ZDHHC16: variants seen among roughly 807,000 people sequenced by gnomAD.
The protein encoded by ZDHHC16 is zDHHC palmitoyltransferase 16, also known as palmitoyltransferase ZDHHC16.
A neutral mutation model predicts 54.4 loss-of-function variants in ZDHHC16; 33 were observed. The observed-to-expected ratio is 0.61, with a 90% confidence interval of 0.46 to 0.81. ZDHHC16 has a LOEUF of 0.81. Ranked by LOEUF, ZDHHC16 falls within the 30% of genes least tolerant of loss-of-function variation. ZDHHC16 has a pLI of 0.00. For synonymous variants in ZDHHC16, 185 were observed against 182.1 expected, an observed-to-expected ratio of 1.02 and a Z score of -0.13; for missense variants, 420 against 485.9, an observed-to-expected ratio of 0.86 and a Z score of 1.28.
At chr10:97,456,084 A>G in intron 11 of ZDHHC16, 40 bp downstream of exon 11, 1 of 1,601,512 alleles carries the variant, frequency 6.2e-7, no homozygotes, top group South Asian at 1.1e-5. Context: ...CCAACAGAAC[A>G]CTGTGATGAG....
Position 97,456,811 on chromosome 10 carries a change from C to T in ZDHHC16, c.1054C>T (p.His352Tyr). The change falls in exon 12 of 12, where the codon CAC (histidine) becomes TAC (tyrosine). Residue 352 changes from histidine to tyrosine, a missense_variant. Physicochemically the swap from His to Tyr is moderately conservative, Grantham distance 83. Transcript: ENST00000393760. Reference protein sequence around the residue: ...WLTRVLLPSSHLPHGNGMSWE... With the variant: ...WLTRVLLPSSYLPHGNGMSWE... ...TACTCGGGTGCTCTTACCTTCTAGT[C>T]ACTTGCCCCATGGGAATGGAATGAG... 1 of 1,613,794 alleles carries T rather than the reference C, an allele frequency of 6.2e-7. No individual in the cohort carries two copies. The highest frequency in any genetic ancestry group is 1.1e-5 in the South Asian group (1 of 90,984).
rs1308142329 is a variant in ZDHHC16, at chr10:97,451,909, G to C, written c.234G>C (p.Trp78Cys). 1.4e-5 allele frequency: 23 copies of C among 1,610,840 alleles called. No homozygotes were observed. Among genetic ancestry groups the C allele is most frequent in the Non-Finnish European group, 1.9e-5 (22 of 1,178,074 alleles). ...GGCTGGTAGACAACGTGATCCGCTGGTTTGGAGTGGTGAGTGATGTCCAGG... is the reference window on the plus strand; with the variant it reads ...GGCTGGTAGACAACGTGATCCGCTGCTTTGGAGTGGTGAGTGATGTCCAGG... ...VYWLVDNVIR[W>C]FGVVFVVLVI... The change falls in exon 3 of 12, where the codon TGG (tryptophan) becomes TGC (cysteine). Residue 78 changes from tryptophan to cysteine, a missense_variant. Coordinates refer to ENST00000393760, the MANE Select transcript of ZDHHC16 (RefSeq NM_198046.3).
intron 8 of ZDHHC16, 103 bp downstream of exon 8, chr10:97,453,949 G>C: frequency 6.7e-7 from 1 of 1,492,718 alleles, no homozygotes; most frequent in Non-Finnish European, 9.3e-7. Context: ...AGAGGCTGCC[G>C]AGAGGCCACT....
chr10:97,455,972 A>C lies in ZDHHC16; in HGVS notation c.949-2A>C, dbSNP rs1424906150. On this transcript the variant is annotated splice_acceptor_variant, in intron 10 of 11. Coordinates refer to ENST00000393760, the MANE Select transcript of ZDHHC16 (RefSeq NM_198046.3). LOFTEE classifies it high-confidence loss of function. ...AAAGAAACATGTTTTTCTTGGCTCC[A>C]GGTATTTAGGAATCCTTACAACTAC... 2 of 1,613,946 alleles carry C rather than the reference A, an allele frequency of 1.2e-6. No homozygotes were observed. The highest frequency in any genetic ancestry group is 1.7e-6 in the Non-Finnish European group (2 of 1,179,934).
At chr10:97,446,796 C>T (rs1195193491) in intron 1 of ZDHHC16, among the ~76,000 whole-genome samples, 3 of 152,222 alleles carry the variant, frequency 2.0e-5, no homozygotes, top group Non-Finnish European at 4.4e-5. Flanking sequence ...CTGTTCACTG[C>T]AACCTCCGCC....
chr10:97,454,622 G>A, intron 8 of ZDHHC16, 92 bp from the exon 9 acceptor site: 1 of 1,197,208 alleles, frequency 8.4e-7, no homozygotes, highest in Non-Finnish European at 1.2e-6. Context: ...TTCTCTGCCT[G>A]GATTTGGATC....
chr10:97,455,670 C>T lies in ZDHHC16; in HGVS notation c.835C>T (p.Leu279Phe). ...CCCCTCTTTTCTTAGTTCTGTGGCACTTGCCCTGGGTGCCCTAACTGTATG... is the reference window on the plus strand; with the variant it reads ...CCCCTCTTTTCTTAGTTCTGTGGCATTTGCCCTGGGTGCCCTAACTGTATG... ...YLWFLCSSVA[L>F]ALGALTVWHA... The change falls in exon 10 of 12, where the codon CTT (leucine) becomes TTT (phenylalanine). Residue 279 changes from leucine (L) to phenylalanine (F), a missense_variant. Leu to Phe is a conservative substitution (Grantham distance 22). Coordinates refer to ENST00000393760, the MANE Select transcript of ZDHHC16 (RefSeq NM_198046.3). The T allele has an allele frequency of 1.9e-6, 3 of 1,614,242 alleles. No homozygotes were observed. Among genetic ancestry groups the T allele is most frequent in the Non-Finnish European group, 2.5e-6 (3 of 1,180,048 alleles).
chr10:97,456,506 T>G (rs1218434953), intron 11 of ZDHHC16: 1 of 329,268 alleles, frequency 3.0e-6, no homozygotes, highest in Admixed American at 4.5e-5. Flanking sequence ...CAGACGTGCC[T>G]TCCCTCCTCC....
Position 97,451,917 on chromosome 10 carries a change from T to C in ZDHHC16, c.242T>C (p.Val81Ala). The change falls in exon 3 of 12, where the codon GTG becomes GCG. Residue 81 changes from valine (V) to alanine (A), a missense_variant and splice_region_variant. Coordinates refer to ENST00000393760, the MANE Select transcript of ZDHHC16 (RefSeq NM_198046.3). ...LVDNVIRWFG[V>A]VFVVLVIVLT... is the part of the protein sequence containing the mutation. ...GACAACGTGATCCGCTGGTTTGGAG[T>C]GGTGAGTGATGTCCAGGGAGCAGGA... 4.4e-6 allele frequency: 7 copies of C among 1,607,440 alleles called. No individual in the cohort carries two copies. Among genetic ancestry groups the C allele is most frequent in the Non-Finnish European group, 6.0e-6 (7 of 1,176,064 alleles).
At chr10:97,452,656 G>A (rs771673139) in intron 5 of ZDHHC16, among the ~76,000 whole-genome samples, 153 bp downstream of exon 5, 1 of 152,214 alleles carries the variant, frequency 6.6e-6, no homozygotes, top group Non-Finnish European at 1.5e-5. Flanking sequence ...TCCTTAGGAT[G>A]GTCCTGTGAG....
At chr10:97,452,725 A>G (rs576210784) in intron 5 of ZDHHC16, 170 bp from the exon 6 acceptor site, 16 of 984,838 alleles carry the variant, frequency 1.6e-5, no homozygotes, top group Admixed American at 1.3e-4. Flanking sequence ...ACCTTGTCCA[A>G]TATCTTATAG....
In ZDHHC16 at chr10:97,452,147, T is replaced by C. The variant is rs966018379; in HGVS notation, c.301T>C (p.Cys101Arg). ...CTCCATTGTAGCTATCGCCTACCTG[T>C]GTGTCCTGCCTCTCATCCTCCGAAC... is the stretch of plus-strand genomic sequence containing the variant. ...TGSIVAIAYL[C>R]VLPLILRTYS... The change falls in exon 4 of 12, where the codon TGT becomes CGT. Residue 101 changes from cysteine to arginine, a missense_variant. Transcript: ENST00000393760. 6.2e-7 allele frequency: 1 copy of C among 1,614,124 alleles called. No homozygotes were observed. Among genetic ancestry groups the C allele is most frequent in the Non-Finnish European group, 8.5e-7 (1 of 1,180,034 alleles).
At position 97,456,818 on chromosome 10, in the gene ZDHHC16, C is replaced by T. The variant is rs778834937; in HGVS notation, c.1061C>T (p.Pro354Leu). The T allele has an allele frequency of 1.9e-6, 3 of 1,613,782 alleles. No homozygotes were observed. In the South Asian group the frequency reaches 3.3e-5, roughly 18 times the overall value. Residue 354 changes from proline to leucine, a missense_variant, in exon 12 of 12, where the codon CCC (proline) becomes CTC (leucine). By Grantham distance (98) the Pro-to-Leu change is moderately conservative (BLOSUM62 -3). Transcript: ENST00000393760. The stretch of plus-strand genomic sequence containing the variant: ...GTGCTCTTACCTTCTAGTCACTTGC[C>T]CCATGGGAATGGAATGAGCTGGGAG... ...TRVLLPSSHLPHGNGMSWEPP... is the reference protein window; with the variant it reads ...TRVLLPSSHLLHGNGMSWEPP...
At chr10:97,451,601 T>C in intron 2 of ZDHHC16, 70 bp from the exon 3 acceptor site, 2 of 1,550,346 alleles carry the variant, frequency 1.3e-6, no homozygotes, top group East Asian at 2.2e-5. Flanking sequence ...GTGAGTACTC[T>C]AGGCCTTCCC....
intron 2 of ZDHHC16, chr10:97,451,057 C>T (rs1392429042): frequency 2.0e-5 from 3 of 152,328 alleles, no homozygotes; most frequent in African/African-American, 7.2e-5. Flanking sequence ...CCTGTGACAT[C>T]AGCCCAGAGG....
chr10:97,451,540 C>A, intron 2 of ZDHHC16, 131 bp from the exon 3 acceptor site: 1 of 1,283,350 alleles, frequency 7.8e-7, no homozygotes, highest in East Asian at 2.4e-5. Context: ...CTACTTCTCA[C>A]AGTTGGTGAC....
At chr10:97,453,451 G>A (rs1011387358) in intron 6 of ZDHHC16, 79 bp from the exon 7 acceptor site, 2 of 1,556,388 alleles carry the variant, frequency 1.3e-6, no homozygotes, top group African/African-American at 1.4e-5. Context: ...ATATTGTCAG[G>A]AACCAGGGAT....
At chr10:97,453,886 C>CT in intron 8 of ZDHHC16, 40 bp downstream of exon 8, 1 of 1,613,644 alleles carries the variant, frequency 6.2e-7, no homozygotes, top group African/African-American at 1.3e-5. Context: ...CTGCTCAGGC[C>CT]TGGGGGTATA....
chr10:97,453,908 G>C (rs1186554744), intron 8 of ZDHHC16, 62 bp downstream of exon 8: 1 of 1,608,952 alleles, frequency 6.2e-7, no homozygotes, highest in African/African-American at 1.3e-5. Context: ...AGTTGCTAAG[G>C]CATCTGGGGC....
Sources: gnomAD v4.1 joint callset for allele counts (sites outside exome capture counted in the v4.1 genomes callset) on GRCh38, gnomAD v4.1.1 for gene constraint, MANE v1.5 for transcripts, NCBI Gene and HGNC (gene_info 2026-07-23, HGNC 2026-07-21) for gene names.